Variants in PRICKLE2 observed in about 807,000 individuals in gnomAD.
The protein encoded by PRICKLE2 is prickle planar cell polarity protein 2.
PRICKLE2 carries 21 observed loss-of-function variants against 81.4 expected under a neutral mutation model. The ratio of observed to expected loss-of-function variants is 0.26; its 90% CI spans 0.18 to 0.37. The LOEUF is 0.37. PRICKLE2 is among the 10% of genes least tolerant of loss of function. The pLI is 1.00. For synonymous variants in PRICKLE2, 456 were observed against 421.5 expected, an observed-to-expected ratio of 1.08 and a Z score of -1.00; for missense variants, 940 against 1,109.0, an observed-to-expected ratio of 0.85 and a Z score of 2.16.
chr3:64,257,393 T>G (rs796434071), intron 2 of PRICKLE2, among the ~76,000 whole-genome samples: 15 of 151,730 alleles, frequency 9.9e-5, no homozygotes, highest in African/African-American at 3.6e-4. Context: ...GAAAGGGGAG[T>G]GTAGGACCAG....
chr3:64,097,330 T>C lies in PRICKLE2; in HGVS notation c.*1721A>G, dbSNP rs1200026967. ...CTTTTGACATTCTCTCCATAAAAAA[T>C]ACTAGAAAATGTTAACTACTATACT... On this transcript the variant is annotated 3_prime_UTR_variant, in exon 8 of 8. Coordinates refer to ENST00000638394, the MANE Select transcript of PRICKLE2 (RefSeq NM_198859.4). 1 of 152,480 alleles carries C rather than the reference T, an allele frequency of 6.6e-6. No homozygotes were observed. The highest frequency in any genetic ancestry group is 1.9e-4 in the East Asian group (1 of 5,178). 9.4% of individuals were successfully genotyped at this position (152,480 alleles called of 1,614,324 possible).
At chr3:64,194,148 C>G (rs925448320) in intron 2 of PRICKLE2, 1 of 152,216 alleles carries the variant, frequency 6.6e-6, no homozygotes, top group Non-Finnish European at 1.5e-5. Context: ...TGACCCTCCA[C>G]AGCCAGCTGG....
intron 7 of PRICKLE2, chr3:64,100,191 G>T (rs1445294643): frequency 3.9e-6 from 2 of 512,636 alleles, no homozygotes; most frequent in African/African-American, 3.8e-5. Flanking sequence ...GCTCATCAAA[G>T]TTACTAAGAG....
chr3:64,207,909 T>C (rs1248771680), intron 1 of PRICKLE2, among the ~76,000 whole-genome samples: 2 of 152,126 alleles, frequency 1.3e-5, no homozygotes, highest in African/African-American at 4.8e-5. Context: ...AACCATATAA[T>C]AGATCTCTGG....
chr3:64,173,585 G>C (rs550536470), intron 2 of PRICKLE2, among the ~76,000 whole-genome samples: 1 of 152,086 alleles, frequency 6.6e-6, no homozygotes, highest in African/African-American at 2.4e-5. Context: ...GTATGAGGCC[G>C]GCTCTAGCAT....
At position 64,099,008 on chromosome 3, in the gene PRICKLE2, A is replaced by G. The variant is rs560997309; in HGVS notation, c.*43T>C. ...AAACAGTGCAAGTTTCTGACTTTACATTCTTAGCTCCCATCTTCTCCCATT... is the reference window on the plus strand; with the variant it reads ...AAACAGTGCAAGTTTCTGACTTTACGTTCTTAGCTCCCATCTTCTCCCATT... On this transcript the variant is annotated 3_prime_UTR_variant, in exon 8 of 8. Coordinates refer to ENST00000638394, the MANE Select transcript of PRICKLE2 (RefSeq NM_198859.4). This position sits in a 1 kb window ranked among gnomAD's most constrained non-coding sequence, Gnocchi z 4.3. 1.1e-5 allele frequency: 17 copies of G among 1,612,070 alleles called. No homozygotes were observed. The South Asian group carries it at 1.8e-4, about 17-fold the overall frequency.
intron 2 of PRICKLE2, among the ~76,000 whole-genome samples, chr3:64,178,449 T>G (rs538445312): frequency 6.6e-6 from 1 of 152,318 alleles, no homozygotes; most frequent in Admixed American, 6.5e-5. Context: ...GCTTTTTTCC[T>G]GGATATGATA....
intron 7 of PRICKLE2, among the ~76,000 whole-genome samples, chr3:64,110,959 C>CAACAAA (rs1377978629): frequency 1.6e-5 from 1 of 63,866 alleles, no homozygotes; most frequent in Non-Finnish European, 2.7e-5. Context: ...GACTCCATCT[C>CAACAAA]AAAAAAAAAA....
chr3:64,208,448 G>A (rs796136179), intron 1 of PRICKLE2, among the ~76,000 whole-genome samples: 9 of 152,266 alleles, frequency 5.9e-5, no homozygotes, highest in African/African-American at 2.2e-4. Context: ...CGCCAGAAAG[G>A]AAGGAAGAAA....
At chr3:64,146,622 A>T in intron 7 of PRICKLE2, 1 of 562,186 alleles carries the variant, frequency 1.8e-6, no homozygotes, top group Non-Finnish European at 3.2e-6. Context: ...GGGCACCTGT[A>T]GTCCCAACTA....
intron 2 of PRICKLE2, among the ~76,000 whole-genome samples, chr3:64,248,435 G>A (rs763525427): frequency 6.6e-6 from 1 of 152,110 alleles, no homozygotes; most frequent in African/African-American, 2.4e-5. Flanking sequence ...TGGATGCCGG[G>A]ACACCCACAT....
intron 1 of PRICKLE2, among the ~76,000 whole-genome samples, chr3:64,207,511 G>A (rs993445494): frequency 3.9e-5 from 6 of 152,066 alleles, no homozygotes; most frequent in Admixed American, 6.6e-5. Flanking sequence ...GGCCGGTAAC[G>A]ACAAGACATG....
chr3:64,177,345 C>T (rs1255778094), intron 2 of PRICKLE2, among the ~76,000 whole-genome samples: 1 of 151,864 alleles, frequency 6.6e-6, no homozygotes, highest in Non-Finnish European at 1.5e-5. Context: ...CCATGTTGGC[C>T]AGGCTGGTCT....
At chr3:64,111,820 A>G (rs868638386) in intron 7 of PRICKLE2, among the ~76,000 whole-genome samples, 3 of 152,274 alleles carry the variant, frequency 2.0e-5, no homozygotes, top group Middle Eastern at 6.8e-3. Context: ...GGCACTGCCT[A>G]TTGCTTGACT....
In PRICKLE2 at chr3:64,225,380, T is replaced by C; in HGVS notation, c.-511A>G. ...CAGCTGCTCACAGAGCTCAAGCCACTGAACCAGGAAATGTGCTGCTTGGTC... is the reference window on the plus strand; with the variant it reads ...CAGCTGCTCACAGAGCTCAAGCCACCGAACCAGGAAATGTGCTGCTTGGTC... On this transcript the variant is annotated 5_prime_UTR_variant, in exon 1 of 8. Transcript: ENST00000638394. The C allele has an allele frequency of 1.0e-6, 1 of 985,328 alleles. No individual in the cohort carries two copies. The highest frequency in any genetic ancestry group is 1.2e-6 in the Non-Finnish European group (1 of 829,978). 61.0% of individuals were successfully genotyped at this position (985,328 alleles called of 1,614,324 possible). A position where few individuals can be genotyped will look rare whatever the true frequency, so the allele number is the denominator to read the frequency against.
chr3:64,132,194 C>T (rs1234220089), intron 7 of PRICKLE2, among the ~76,000 whole-genome samples: 2 of 152,208 alleles, frequency 1.3e-5, no homozygotes, highest in African/African-American at 2.4e-5. Flanking sequence ...TCAATATTCG[C>T]TCTTCTTTTC....
intron 7 of PRICKLE2, among the ~76,000 whole-genome samples, chr3:64,121,198 C>G (rs1039130537): frequency 2.6e-5 from 4 of 152,162 alleles, no homozygotes; most frequent in African/African-American, 9.7e-5. Context: ...TTATATCAAT[C>G]CAGCTCGTGA....
intron 7 of PRICKLE2, among the ~76,000 whole-genome samples, chr3:64,138,901 A>T (rs1162867663): frequency 6.6e-6 from 1 of 152,266 alleles, no homozygotes; most frequent in Non-Finnish European, 1.5e-5. Context: ...GTTCTACCCA[A>T]TATTTAAATA....
At chr3:64,236,210 C>T (rs1450234614) in intron 2 of PRICKLE2, among the ~76,000 whole-genome samples, 1 of 152,168 alleles carries the variant, frequency 6.6e-6, no homozygotes, top group Non-Finnish European at 1.5e-5. Flanking sequence ...ATACTTAGAT[C>T]ATGATATGTT....
Sources: gnomAD v4.1 joint callset for allele counts (sites outside exome capture counted in the v4.1 genomes callset) on GRCh38, gnomAD v4.1.1 for gene constraint, Gnocchi (gnomAD v3.1) non-coding constraint, MANE v1.5 for transcripts, NCBI Gene and HGNC (gene_info 2026-07-23, HGNC 2026-07-21) for gene names.